KHDRBS3: variants seen among roughly 807,000 people sequenced by gnomAD.
The protein encoded by KHDRBS3 is KH domain-containing, RNA-binding, signal transduction-associated protein 3.
In KHDRBS3, 23 loss-of-function variants were observed where a neutral mutation model predicts 45.6. The ratio of observed to expected loss-of-function variants is 0.50; its 90% CI spans 0.36 to 0.72. The LOEUF (loss-of-function observed/expected upper bound fraction) is 0.72. Among genes scored for constraint, KHDRBS3 ranks in the 30% least tolerant of loss-of-function variants. The pLI, the probability that KHDRBS3 is intolerant of heterozygous loss-of-function variation, is 0.00. For synonymous variants in KHDRBS3, 162 were observed against 156.5 expected (o/e 1.04, Z -0.26); for missense variants, 352 against 424.8 (o/e 0.83, Z 1.51).
intron 5 of KHDRBS3, among the ~76,000 whole-genome samples, chr8:135,571,103 C>G (rs1457412817): frequency 1.4e-4 from 22 of 152,192 alleles, no homozygotes; most frequent in Admixed American, 1.4e-3. Flanking sequence ...CACAGATTCT[C>G]TCAGTTACAG....
intron 6 of KHDRBS3, among the ~76,000 whole-genome samples, chr8:135,588,399 G>A (rs1281638170): frequency 6.6e-6 from 1 of 152,168 alleles, no homozygotes; most frequent in African/African-American, 2.4e-5. Flanking sequence ...CCAGCCTGCA[G>A]GCGCTCCAAA....
At chr8:135,478,865 A>G (rs1822427986) in intron 1 of KHDRBS3, among the ~76,000 whole-genome samples, 1 of 152,208 alleles carries the variant, frequency 6.6e-6, no homozygotes, top group South Asian at 2.1e-4. Flanking sequence ...ATAAAGGTAA[A>G]TCTCAAATAA....
intron 7 of KHDRBS3, among the ~76,000 whole-genome samples, chr8:135,617,229 A>G (rs576897462): frequency 5.9e-4 from 88 of 148,020 alleles, no homozygotes; most frequent in Middle Eastern, 3.5e-3. Context: ...CTTTTTAGCT[A>G]CTTTTATTTT....
chr8:135,536,492 A>G (rs911139270), intron 2 of KHDRBS3, among the ~76,000 whole-genome samples: 1 of 152,096 alleles, frequency 6.6e-6, no homozygotes, highest in Non-Finnish European at 1.5e-5. Context: ...GGACAGTCAC[A>G]TCGTTGTATT....
At chr8:135,523,882 G>T (rs1825042169) in intron 2 of KHDRBS3, among the ~76,000 whole-genome samples, 1 of 152,002 alleles carries the variant, frequency 6.6e-6, no homozygotes, top group Non-Finnish European at 1.5e-5. Flanking sequence ...CTGTTTATAT[G>T]GTAGATTTTA....
chr8:135,654,112 A>G (rs1383710269), intron 4 of KHDRBS3, among the ~76,000 whole-genome samples: 2 of 152,182 alleles, frequency 1.3e-5, no homozygotes, highest in Non-Finnish European at 2.9e-5. Context: ...AAAACAATAT[A>G]CCATTTTCTC....
intron 1 of KHDRBS3, among the ~76,000 whole-genome samples, chr8:135,479,274 T>C (rs1393203572): frequency 1.3e-5 from 2 of 152,168 alleles, no homozygotes; most frequent in African/African-American, 4.8e-5. Context: ...AAAATCTGAA[T>C]ATACTGGTTT....
At chr8:135,589,846 G>A (rs1370887650) in intron 6 of KHDRBS3, among the ~76,000 whole-genome samples, 4 of 152,166 alleles carry the variant, frequency 2.6e-5, no homozygotes, top group African/African-American at 7.2e-5. Context: ...ATTCTGTGTC[G>A]TGCCATGTGT....
intron 4 of KHDRBS3, 115 bp downstream of exon 4, chr8:135,549,015 A>G: frequency 1.6e-6 from 1 of 615,344 alleles, no homozygotes; most frequent in Non-Finnish European, 2.5e-6. Flanking sequence ...GTAAAGCTGT[A>G]TGGACATCAC....
At chr8:135,582,984 A>G (rs948277322) in intron 6 of KHDRBS3, among the ~76,000 whole-genome samples, 20 of 152,192 alleles carry the variant, frequency 1.3e-4, no homozygotes, top group African/African-American at 4.6e-4. Flanking sequence ...TAATTCCCTG[A>G]ACATTCTGTG....
At chr8:135,540,869 G>A (rs1207968137) in intron 2 of KHDRBS3, 1 of 152,214 alleles carries the variant, frequency 6.6e-6, no homozygotes, top group Non-Finnish European at 1.5e-5. Flanking sequence ...AGAACAGATA[G>A]TAGAGGATTA....
chr8:135,534,860 C>T lies in KHDRBS3; in HGVS notation c.208-7794C>T, dbSNP rs557558765. ...TGCTTTTCTCATCTTGGAAATCAGA[C>T]ACCATGCACAAGCCTATTCACGCTG... On this transcript the variant is annotated intron_variant, in intron 2 of 8. Transcript: ENST00000355849. Among the ~76,000 whole-genome samples the T allele has an allele frequency of 2.0e-5, 3 of 152,242 alleles. No homozygotes were observed. In the East Asian group the frequency reaches 5.8e-4, roughly 29 times the overall value.
chr8:135,472,199 A>G (rs1207081449), intron 1 of KHDRBS3, among the ~76,000 whole-genome samples: 2 of 152,212 alleles, frequency 1.3e-5, no homozygotes, highest in African/African-American at 2.4e-5. Flanking sequence ...TGTTCACTCT[A>G]TGGCAGTGTG....
rs186625276 is a variant in KHDRBS3, at chr8:135,546,836, C to T, written c.325-1918C>T. ...TTTCTCCAAATAACACATTGCCTGT[C>T]ATCATTAATCTGTAGAGTAGTTTGG... On this transcript the variant is annotated intron_variant, in intron 3 of 8. Coordinates refer to ENST00000355849, the MANE Select transcript of KHDRBS3 (RefSeq NM_006558.3). 2.0e-4 allele frequency among the ~76,000 whole-genome samples: 31 copies of T among 152,192 alleles called. No individual in the cohort carries two copies. In the East Asian group the frequency reaches 4.3e-3, roughly 21 times the overall value.
intron 2 of KHDRBS3, among the ~76,000 whole-genome samples, chr8:135,531,028 G>C (rs915190904): frequency 6.6e-6 from 1 of 152,072 alleles, no homozygotes; most frequent in Non-Finnish European, 1.5e-5. Context: ...CTGAATTAAC[G>C]GTTTCATGTT....
rs140251258 is a variant in KHDRBS3 at position 135,537,485 on chromosome 8, A to G, written c.208-5169A>G. On this transcript the variant is annotated intron_variant, in intron 2 of 8. Coordinates refer to ENST00000355849, the MANE Select transcript of KHDRBS3 (RefSeq NM_006558.3). ...CGCTTGGTCTTTACCAGTGAATAAT[A>G]TAATTATTGTAGCTTATACATCATG... 4.7e-3 allele frequency among the ~76,000 whole-genome samples: 713 copies of G among 152,356 alleles called. 3 individuals are homozygous for G. The highest frequency in any genetic ancestry group is 0.017 in the African/African-American group (686 of 41,572).
rs530512655 is a variant in KHDRBS3 at position 135,595,349 on chromosome 8, C to T, written c.808-11606C>T. Among the ~76,000 whole-genome samples the T allele has an allele frequency of 3.8e-4, 58 of 152,202 alleles. 1 individual carries two copies. The South Asian group carries it at 0.01, about 27-fold the overall frequency. ...TTCACTAAGCTGTGTACTTAGGATT[C>T]GTACCTTTTTATGACTTATTTTATG... On this transcript the variant is annotated intron_variant, in intron 6 of 8. Coordinates refer to ENST00000355849, the MANE Select transcript of KHDRBS3 (RefSeq NM_006558.3).
At chr8:135,482,494 T>G (rs1478633085) in intron 1 of KHDRBS3, among the ~76,000 whole-genome samples, 2 of 152,192 alleles carry the variant, frequency 1.3e-5, no homozygotes, top group African/African-American at 2.4e-5. Flanking sequence ...TCATGTTCTC[T>G]GAAATAATTC....
chr8:135,522,029 C>T (rs1168567230), intron 2 of KHDRBS3, among the ~76,000 whole-genome samples: 2 of 152,022 alleles, frequency 1.3e-5, no homozygotes, highest in African/African-American at 4.8e-5. Flanking sequence ...AAATGTGTGC[C>T]ATGGTGGTTT....
Sources: gnomAD v4.1 joint callset for allele counts (sites outside exome capture counted in the v4.1 genomes callset) on GRCh38, gnomAD v4.1.1 for gene constraint, MANE v1.5 for transcripts, NCBI Gene and HGNC (gene_info 2026-07-23, HGNC 2026-07-21) for gene names.